Variants in BAZ2B observed in about 807,000 individuals in gnomAD.
BAZ2B encodes bromodomain adjacent to zinc finger domain protein 2B.
A neutral mutation model predicts 246.0 loss-of-function variants in BAZ2B; 91 were observed. That is an observed-to-expected ratio of 0.37 (90% confidence interval 0.31 to 0.44). The LOEUF is 0.44. BAZ2B is among the 20% of genes least tolerant of loss of function. The probability of loss-of-function intolerance (pLI) is 1.00; values close to 1 mark genes in which losing one functional copy is unlikely to be tolerated. For missense variants in BAZ2B, 2,332 were observed against 2,533.7 expected (o/e 0.92, Z 1.71); for synonymous variants, 855 against 860.0 (o/e 0.99, Z 0.10).
At chr2:159,541,962 A>C (rs1368051949) in intron 2 of BAZ2B, among the ~76,000 whole-genome samples, 1 of 152,352 alleles carries the variant, frequency 6.6e-6, no homozygotes, top group East Asian at 1.9e-4. Context: ...CAAAATGAGA[A>C]TATCAATAAA....
At chr2:159,457,734 C>T (rs541433877) in intron 3 of BAZ2B, among the ~76,000 whole-genome samples, 2 of 152,226 alleles carry the variant, frequency 1.3e-5, no homozygotes, top group African/African-American at 4.8e-5. Flanking sequence ...TCAGCACCAC[C>T]TCCAGCCCCT....
In BAZ2B at chr2:159,350,178, A is replaced by G. The variant is rs1316712267; in HGVS notation, c.4393T>C (p.Ser1465Pro). 2.5e-6 allele frequency: 4 copies of G among 1,614,098 alleles called. No individual in the cohort carries two copies. The South Asian group carries it at 4.4e-5, about 18-fold the overall frequency. The change falls in exon 28 of 37, where the codon TCT becomes CCT. Residue 1465 changes from serine (S) to proline (P), a missense_variant. By Grantham distance (74) the Ser-to-Pro change is moderately conservative. Coordinates refer to ENST00000392783, the MANE Select transcript of BAZ2B (RefSeq NM_013450.4). ...AAAAGCTTGCTTAATTTGGAAAAAG[A>G]GCCAGGTTTCTGAAGGAATAGATTT... ...NTNLFLQKPGSFSKLSKLLEV... is the reference protein window; with the variant it reads ...NTNLFLQKPGPFSKLSKLLEV...
chr2:159,494,702 C>A (rs2080880613), intron 2 of BAZ2B, among the ~76,000 whole-genome samples: 1 of 152,166 alleles, frequency 6.6e-6, no homozygotes, highest in African/African-American at 2.4e-5. Context: ...ATATACTCAA[C>A]TAATTAAAGA....
rs1299665230 is a variant in BAZ2B, at chr2:159,567,681, T to C, written c.-45-11816A>G. On this transcript the variant is annotated intron_variant, in intron 1 of 36. Transcript: ENST00000392783. ...GGTATTCCTCCCTAAAATATTACAA[T>C]TTAAAAATCAGGCTGGGTGTGGTGG... 2.6e-5 allele frequency among the ~76,000 whole-genome samples: 4 copies of C among 152,214 alleles called. No individual in the cohort carries two copies. In the East Asian group the frequency reaches 7.7e-4, roughly 29 times the overall value.
At chr2:159,669,808 T>C in the BAZ2B span, among the ~76,000 whole-genome samples, 1 of 152,296 alleles carries the variant, frequency 6.6e-6, no homozygotes, top group Non-Finnish European at 1.5e-5. Flanking sequence ...AAGTATAGTT[T>C]GTTCTTTCTT....
chr2:159,423,314 T>TAAACAAACAAACAAACAAACAAACAAAC (rs60596753), intron 13 of BAZ2B, among the ~76,000 whole-genome samples: 10 of 151,214 alleles, frequency 6.6e-5, no homozygotes, highest in African/African-American at 1.9e-4. Flanking sequence ...AGACTCTATC[T>TAAACAAACAAACAAACAAACAAACAAAC]AAACAAACAA....
intron 1 of BAZ2B, among the ~76,000 whole-genome samples, chr2:159,610,132 T>C (rs1483597153): frequency 6.6e-6 from 1 of 152,130 alleles, no homozygotes; most frequent in Non-Finnish European, 1.5e-5. Context: ...TCAGGCAATA[T>C]GACAATGATC....
intron 25 of BAZ2B, among the ~76,000 whole-genome samples, chr2:159,375,445 G>A (rs2061321353): frequency 6.6e-6 from 1 of 152,142 alleles, no homozygotes; most frequent in Non-Finnish European, 1.5e-5. Context: ...TGACATGAGA[G>A]GTGCATAAAG....
rs771125730 is a variant in BAZ2B, at chr2:159,404,814, A to AT, written c.2832+34dup. 4 of 1,557,308 alleles carry AT rather than the reference A, an allele frequency of 2.6e-6. No homozygotes were observed. In the South Asian group the frequency reaches 4.6e-5, roughly 18 times the overall value. ...CTAACAAATCCTCAAAATAAGTCCC[A>AT]TATTTTAAAAGTCACTTCCAATGTA... On this transcript the variant is annotated intron_variant, in intron 16 of 36. Coordinates refer to ENST00000392783, the MANE Select transcript of BAZ2B (RefSeq NM_013450.4).
intron 14 of BAZ2B, among the ~76,000 whole-genome samples, chr2:159,409,177 A>G (rs916081213): frequency 1.3e-5 from 2 of 152,104 alleles, no homozygotes; most frequent in Non-Finnish European, 2.9e-5. Flanking sequence ...AGAATTAGAG[A>G]TATTTTGGAT....
intron 20 of BAZ2B, among the ~76,000 whole-genome samples, chr2:159,394,118 T>C (rs1359616931): frequency 6.6e-6 from 1 of 151,914 alleles, no homozygotes; most frequent in Non-Finnish European, 1.5e-5. Context: ...TGGTTCTTTT[T>C]ATTCCTTCTG....
chr2:159,702,008 A>G, the BAZ2B span, among the ~76,000 whole-genome samples: 108 of 152,250 alleles, frequency 7.1e-4, no homozygotes, highest in African/African-American at 2.3e-3. Context: ...GATTATAGAC[A>G]TGAACCACTG....
rs139298173 is a variant in BAZ2B, at chr2:159,581,889, A to G, written c.-45-26024T>C. 7.8e-4 allele frequency among the ~76,000 whole-genome samples: 101 copies of G among 128,930 alleles called. No individual in the cohort carries two copies. The East Asian group carries it at 0.023, about 29-fold the overall frequency. 84.6% of individuals were successfully genotyped at this position (128,930 alleles called of 152,430 possible). Reference sequence around the variant, plus strand: ...TTGAACAATGAGAACACTTGGACACAGAGTCAGGAACATCACACACTAGGG... The same window carrying G: ...TTGAACAATGAGAACACTTGGACACGGAGTCAGGAACATCACACACTAGGG... On this transcript the variant is annotated intron_variant, in intron 1 of 36. Coordinates refer to ENST00000392783, the MANE Select transcript of BAZ2B (RefSeq NM_013450.4).
intron 21 of BAZ2B, 92 bp from the exon 22 acceptor site, chr2:159,386,699 C>T (rs2062695859): frequency 7.4e-7 from 1 of 1,360,486 alleles, no homozygotes. Context: ...TAAGCTGCTA[C>T]CTTTTTTCCC....
chr2:159,540,834 G>A (rs773060748), intron 2 of BAZ2B, among the ~76,000 whole-genome samples: 2 of 152,154 alleles, frequency 1.3e-5, no homozygotes, highest in Non-Finnish European at 1.5e-5. Flanking sequence ...CATAAGAATA[G>A]ATCAAACCTA....
chr2:159,464,505 C>T (rs1182882136), intron 3 of BAZ2B: 1 of 152,070 alleles, frequency 6.6e-6, no homozygotes, highest in East Asian at 1.9e-4. Context: ...GTTCTGGTGA[C>T]ATTAACTTCG....
chr2:159,681,819 G>A, the BAZ2B span, among the ~76,000 whole-genome samples: 1 of 152,140 alleles, frequency 6.6e-6, no homozygotes, highest in Non-Finnish European at 1.5e-5. Context: ...CAGCTACTCG[G>A]GAGGCTGAGG....
At chr2:159,411,862 T>C in intron 14 of BAZ2B, 1 of 712,342 alleles carries the variant, frequency 1.4e-6, no homozygotes, top group African/African-American at 1.9e-5. Context: ...ATATACTATA[T>C]CTGGACTACA....
chr2:159,346,776 T>C (rs1251640607), intron 31 of BAZ2B, among the ~76,000 whole-genome samples: 1 of 152,130 alleles, frequency 6.6e-6, no homozygotes, highest in Non-Finnish European at 1.5e-5. Flanking sequence ...AAGGAGACCT[T>C]TATACCCCTC....
Sources: gnomAD v4.1 joint callset for allele counts (sites outside exome capture counted in the v4.1 genomes callset) on GRCh38, gnomAD v4.1.1 for gene constraint, MANE v1.5 for transcripts, NCBI Gene and HGNC (gene_info 2026-07-23, HGNC 2026-07-21) for gene names.